KSR2: variants seen among roughly 807,000 people sequenced by gnomAD.
KSR2 encodes kinase suppressor of ras 2.
KSR2 carries 25 observed loss-of-function variants against 107.8 expected under a neutral mutation model. That is an observed-to-expected ratio of 0.23 (90% confidence interval 0.17 to 0.32). The LOEUF (loss-of-function observed/expected upper bound fraction) is 0.32. KSR2 is among the 10% of genes least tolerant of loss of function. The pLI is 1.00. For synonymous variants in KSR2, 480 were observed against 507.0 expected (o/e 0.95, Z 0.71); for missense variants, 887 against 1,268.9 (o/e 0.70, Z 4.57).
At chr12:117,667,434 A>G in intron 5 of KSR2, 40 bp downstream of exon 5, 2 of 1,577,834 alleles carry the variant, frequency 1.3e-6, no homozygotes, top group East Asian at 2.3e-5. Context: ...AGGAGGTGGC[A>G]TGGCAAGCGT....
intron 15 of KSR2, 47 bp downstream of exon 15, chr12:117,485,548 C>G (rs1401983679): frequency 6.8e-7 from 1 of 1,478,126 alleles, no homozygotes; most frequent in East Asian, 2.3e-5. Flanking sequence ...CTGGGGGAAA[C>G]TGGGTCTTTC....
chr12:117,483,161 G>T lies in KSR2; in HGVS notation c.2450+1255C>A, dbSNP rs76787965. Among the ~76,000 whole-genome samples the T allele has an allele frequency of 3.8e-3, 573 of 152,180 alleles. 6 individuals carry two copies. Among genetic ancestry groups the T allele is most frequent in the African/African-American group, 0.013 (549 of 41,510 alleles). ...TGCCTACTTACTGCCTTATCTTAGG[G>T]ACTACAAATAATTTTGTAGACTATG... On this transcript the variant is annotated intron_variant, in intron 16 of 19. Transcript: ENST00000339824.
In KSR2 at chr12:117,716,150, T is replaced by A. The variant is rs114494322; in HGVS notation, c.986+44861A>T. On this transcript the variant is annotated intron_variant, in intron 4 of 19. Coordinates refer to ENST00000339824, the MANE Select transcript of KSR2 (RefSeq NM_173598.6). ...TTTACTTCCTTGTAAATTTGTTTTG[T>A]GTCACCCTCTTCCATTAGCATATGC... 1.7e-3 allele frequency among the ~76,000 whole-genome samples: 260 copies of A among 152,384 alleles called. 1 individual carries two copies. Among genetic ancestry groups the A allele is most frequent in the African/African-American group, 6.0e-3 (250 of 41,596 alleles).
At chr12:117,859,318 G>C (rs1426662628) in intron 2 of KSR2, among the ~76,000 whole-genome samples, 2 of 151,776 alleles carry the variant, frequency 1.3e-5, no homozygotes, top group Non-Finnish European at 2.9e-5. Context: ...GCTAATTTTT[G>C]TACTTTCAGT....
At chr12:117,483,179 A>T (rs1312566218) in intron 16 of KSR2, among the ~76,000 whole-genome samples, 1 of 152,188 alleles carries the variant, frequency 6.6e-6, no homozygotes, top group Non-Finnish European at 1.5e-5. Context: ...ATAATTTTGT[A>T]GACTATGGTT....
intron 3 of KSR2, among the ~76,000 whole-genome samples, chr12:117,854,349 G>A (rs1227367902): frequency 6.6e-6 from 1 of 152,134 alleles, no homozygotes; most frequent in African/African-American, 2.4e-5. Context: ...ATCAGGATCT[G>A]CCAGCAAGAA....
rs567026261 is a variant in KSR2, at chr12:117,966,088, C to G, written c.180+1988G>C. ...TCCTACAACTGCAACTCCCCCATAG[C>G]CATCCTACCAGTGCCTCCATCCCCC... is the stretch of plus-strand genomic sequence containing the variant. On this transcript the variant is annotated intron_variant, in intron 1 of 19. Transcript: ENST00000339824. Among the ~76,000 whole-genome samples the G allele has an allele frequency of 5.9e-5, 9 of 152,266 alleles. No individual in the cohort carries two copies. In the South Asian group the frequency reaches 1.9e-3, roughly 32 times the overall value.
At chr12:117,503,504 G>A (rs566842454) in intron 14 of KSR2, among the ~76,000 whole-genome samples, 2 of 152,268 alleles carry the variant, frequency 1.3e-5, no homozygotes, top group African/African-American at 4.8e-5. Context: ...CACGACCAAG[G>A]AGGCTCCAGG....
chr12:117,952,660 C>T (rs992585793), intron 1 of KSR2, among the ~76,000 whole-genome samples: 4 of 151,248 alleles, frequency 2.6e-5, no homozygotes, highest in Non-Finnish European at 2.9e-5. Context: ...TAGGCAATAG[C>T]AAGACTCTGT....
intron 5 of KSR2, among the ~76,000 whole-genome samples, chr12:117,616,688 T>C (rs1195865135): frequency 6.6e-6 from 1 of 152,212 alleles, no homozygotes; most frequent in Non-Finnish European, 1.5e-5. Context: ...ACTGAGACTG[T>C]ATCACAGCCC....
rs181632933 is a variant in KSR2 at position 117,486,948 on chromosome 12, C to T, written c.2220-1257G>A. On this transcript the variant is annotated intron_variant, in intron 14 of 19. Transcript: ENST00000339824. ...GCATGGGGGCTTAGAGTAGGACTAA[C>T]GGGTTAGAATCCTGATCTGTCATTT... is the stretch of plus-strand genomic sequence containing the variant. Among the ~76,000 whole-genome samples the T allele has an allele frequency of 3.3e-5, 5 of 152,100 alleles. No homozygotes were observed. In the East Asian group the frequency reaches 7.7e-4, roughly 23 times the overall value.
At chr12:117,548,938 T>C (rs958741021) in intron 9 of KSR2, among the ~76,000 whole-genome samples, 10 of 152,166 alleles carry the variant, frequency 6.6e-5, no homozygotes, top group African/African-American at 2.4e-4. Flanking sequence ...TCTCCCCAAT[T>C]TGATCTCAGA....
At chr12:117,506,335 A>G (rs1228305392) in intron 14 of KSR2, among the ~76,000 whole-genome samples, 1 of 152,208 alleles carries the variant, frequency 6.6e-6, no homozygotes. Flanking sequence ...TTGGTTCTCC[A>G]TATTATATGT....
At chr12:117,494,754 A>C (rs886875402) in intron 14 of KSR2, among the ~76,000 whole-genome samples, 1 of 152,228 alleles carries the variant, frequency 6.6e-6, no homozygotes, top group Non-Finnish European at 1.5e-5. Context: ...GACTTATTGG[A>C]TAGAGAGTAG....
intron 4 of KSR2, among the ~76,000 whole-genome samples, chr12:117,724,592 G>T (rs600468): frequency 3.9e-5 from 4 of 102,102 alleles, no homozygotes; most frequent in Non-Finnish European, 9.3e-5. Flanking sequence ...CCCCACCCCC[G>T]GCCGCCTGCA....
intron 1 of KSR2, among the ~76,000 whole-genome samples, chr12:117,905,628 C>T (rs1474733012): frequency 2.0e-5 from 3 of 152,110 alleles, no homozygotes; most frequent in Non-Finnish European, 2.9e-5. Flanking sequence ...GAACTAAGAA[C>T]GGCTGTGATT....
In KSR2 at chr12:117,531,085, G is replaced by C. The variant is rs1875601460; in HGVS notation, c.1730-72C>G. ...AACCCCCGCAAAGGCCTGATTCCTG[G>C]GCGACATGGCAGCCAATTTTTCACC... On this transcript the variant is annotated intron_variant, in intron 11 of 19. Coordinates refer to ENST00000339824, the MANE Select transcript of KSR2 (RefSeq NM_173598.6). 3 of 1,266,774 alleles carry C rather than the reference G, an allele frequency of 2.4e-6. No homozygotes were observed. The Admixed American group carries it at 5.4e-5, about 23-fold the overall frequency. 78.5% of individuals were successfully genotyped at this position (1,266,774 alleles called of 1,614,324 possible). A position where few individuals can be genotyped will look rare whatever the true frequency, so the allele number is the denominator to read the frequency against.
At chr12:117,931,752 A>C (rs1167962862) in intron 1 of KSR2, among the ~76,000 whole-genome samples, 3 of 152,182 alleles carry the variant, frequency 2.0e-5, no homozygotes, top group Non-Finnish European at 4.4e-5. Flanking sequence ...CAGAAAACCA[A>C]ACCCAGGTTA....
At chr12:117,858,505 G>T (rs1282491995) in intron 2 of KSR2, among the ~76,000 whole-genome samples, 1 of 152,190 alleles carries the variant, frequency 6.6e-6, no homozygotes, top group Non-Finnish European at 1.5e-5. Flanking sequence ...TCTAACTTGG[G>T]ATTCTTAGAT....
Sources: allele counts gnomAD v4.1 joint callset (sites outside exome capture counted in the v4.1 genomes callset), GRCh38; gene constraint gnomAD v4.1.1; transcripts MANE v1.5; gene names NCBI Gene and HGNC (gene_info 2026-07-23, HGNC 2026-07-21).